TACC2: variants seen among roughly 807,000 people sequenced by gnomAD.
TACC2 encodes the protein transforming acidic coiled-coil containing protein 2.
TACC2 carries 137 observed loss-of-function variants against 227.3 expected under a neutral mutation model. The observed-to-expected ratio is 0.60, with a 90% CI of 0.52 to 0.69. The LOEUF (loss-of-function observed/expected upper bound fraction) is 0.69. Among genes scored for constraint, TACC2 ranks in the 30% least tolerant of loss-of-function variants. The pLI is 0.00. For missense variants in TACC2, 3,470 were observed against 3,694.4 expected, an observed-to-expected ratio of 0.94 and a Z score of 1.57; for synonymous variants, 1,523 against 1,487.5, an observed-to-expected ratio of 1.02 and a Z score of -0.55.
At chr10:122,093,320 C>T (rs114089249) in intron 5 of TACC2, among the ~76,000 whole-genome samples, 3,027 of 152,210 alleles carry the variant, frequency 0.02, 84 homozygotes, top group African/African-American at 0.063. Flanking sequence ...TCACTGGAGC[C>T]GCTTCTCTCT....
In TACC2 at chr10:122,248,785, C is replaced by T. The variant is rs1170065040; in HGVS notation, c.8535C>T (p.Val2845=). The T allele has an allele frequency of 6.2e-6, 10 of 1,614,040 alleles. No individual in the cohort carries two copies. The highest frequency in any genetic ancestry group is 8.5e-6 in the Non-Finnish European group (10 of 1,180,026). Residue 2845 remains valine, a synonymous_variant, in exon 20 of 23, where the codon GTC becomes GTT. Transcript: ENST00000369005. ...LFRRYEKMKE[V]LEGFRKNEEV... Reference sequence around the variant, plus strand: ...GAAGATATGAGAAGATGAAGGAGGTCCTAGAAGGCTTCCGCAAGGTAGGGC... The same window carrying T: ...GAAGATATGAGAAGATGAAGGAGGTTCTAGAAGGCTTCCGCAAGGTAGGGC...
At chr10:121,997,570 A>G (rs10887036) in intron 1 of TACC2, among the ~76,000 whole-genome samples, 23,222 of 152,042 alleles carry the variant, frequency 0.15, 2,165 homozygotes, top group Admixed American at 0.24. Flanking sequence ...GGGAGATGGG[A>G]CATGTTGGGA....
intron 2 of TACC2, among the ~76,000 whole-genome samples, chr10:122,046,554 GC>G (rs1429886396): frequency 6.6e-6 from 1 of 152,052 alleles, no homozygotes; most frequent in Non-Finnish European, 1.5e-5. Context: ...AGAGACGCCT[GC>G]CTTTTGTTTT....
intron 2 of TACC2, among the ~76,000 whole-genome samples, chr10:122,025,458 T>G (rs1291507384): frequency 6.6e-6 from 1 of 152,088 alleles, no homozygotes; most frequent in Non-Finnish European, 1.5e-5. Flanking sequence ...AGACGAGGTT[T>G]CACTATGTTG....
intron 5 of TACC2, among the ~76,000 whole-genome samples, chr10:122,129,625 T>G (rs2087646817): frequency 1.3e-5 from 2 of 152,200 alleles, no homozygotes; most frequent in South Asian, 4.1e-4. Flanking sequence ...TCCACTCAGA[T>G]TTTATGATTT....
chr10:122,136,210 G>A lies in TACC2; in HGVS notation c.5699+3476G>A, dbSNP rs115891618. Among the ~76,000 whole-genome samples, 1,033 of 152,260 alleles carry A rather than the reference G, an allele frequency of 6.8e-3. 10 individuals carry two copies. The highest frequency in any genetic ancestry group is 0.023 in the African/African-American group (967 of 41,540). On this transcript the variant is annotated intron_variant, in intron 6 of 22. Transcript: ENST00000369005. ...TGTCTCCTAATTCAGGGTTCATGGC[G>A]ACTTGGTAGAACATTCCTGTGAATA...
At chr10:122,235,168 C>T (rs368234500) in intron 16 of TACC2, among the ~76,000 whole-genome samples, 4 of 152,332 alleles carry the variant, frequency 2.6e-5, no homozygotes, top group East Asian at 1.9e-4. Context: ...CTCACTGCAA[C>T]CTTTGCCTCC....
chr10:122,066,418 A>C (rs1249627730), intron 3 of TACC2, among the ~76,000 whole-genome samples: 1 of 151,952 alleles, frequency 6.6e-6, no homozygotes, highest in Non-Finnish European at 1.5e-5. Flanking sequence ...ACAGGTGTGC[A>C]CCACCACACC....
At position 122,249,085 on chromosome 10, in the gene TACC2, C is replaced by T; in HGVS notation, c.8589C>T (p.Tyr2863=). 1 of 1,613,380 alleles carries T rather than the reference C, an allele frequency of 6.2e-7. No homozygotes were observed. The highest frequency in any genetic ancestry group is 8.5e-7 in the Non-Finnish European group (1 of 1,179,934). ...TGTTGAAGAGATGTGCGCAGGAGTA[C>T]CTGTCCCGGGTGAAGAAGGAGGAGC... ...EEVLKRCAQE[Y]LSRVKKEEQR... The change falls in exon 21 of 23, where the codon TAC becomes TAT. Residue 2863 remains tyrosine (Y), a synonymous_variant. Coordinates refer to ENST00000369005, the MANE Select transcript of TACC2 (RefSeq NM_206862.4).
At chr10:122,099,084 C>T (rs1376398492) in intron 5 of TACC2, among the ~76,000 whole-genome samples, 5 of 152,192 alleles carry the variant, frequency 3.3e-5, no homozygotes, top group African/African-American at 1.2e-4. Context: ...ATGGGACAAA[C>T]CGCCTCGACA....
intron 5 of TACC2, among the ~76,000 whole-genome samples, chr10:122,124,873 C>T (rs1376784655): frequency 6.6e-6 from 1 of 152,064 alleles, no homozygotes; most frequent in African/African-American, 2.4e-5. Flanking sequence ...ACCTATATAT[C>T]CATCATTGCT....
At chr10:122,237,262 C>T (rs757106066) in intron 16 of TACC2, 133 bp from the exon 17 acceptor site, 13 of 874,574 alleles carry the variant, frequency 1.5e-5, no homozygotes, top group Non-Finnish European at 2.0e-5. Flanking sequence ...TCAGTCTTTG[C>T]ACTTTCTCAT....
chr10:122,164,970 C>G (rs1378221742), intron 7 of TACC2, among the ~76,000 whole-genome samples: 1 of 152,010 alleles, frequency 6.6e-6, no homozygotes, highest in Non-Finnish European at 1.5e-5. Context: ...CTCACTGGTC[C>G]CTCGACCCCT....
chr10:122,192,337 A>C, intron 7 of TACC2: 1 of 242,854 alleles, frequency 4.1e-6, no homozygotes, highest in Non-Finnish European at 8.3e-6. Context: ...TGCAGCGGAG[A>C]ACTCATTGGA....
At chr10:122,185,021 CT>C (rs34148046) in intron 7 of TACC2, among the ~76,000 whole-genome samples, 3,058 of 95,326 alleles carry the variant, frequency 0.032, 37 homozygotes, top group African/African-American at 0.043. Context: ...GTCACTTATT[CT>C]TTTTTTTTTT....
chr10:121,999,462 T>C (rs1953998089), intron 1 of TACC2, among the ~76,000 whole-genome samples: 1 of 152,244 alleles, frequency 6.6e-6, no homozygotes, highest in South Asian at 2.1e-4. Context: ...AGCAAACAGA[T>C]GAGACAAGCA....
At chr10:122,197,134 G>A (rs192230639) in intron 8 of TACC2, among the ~76,000 whole-genome samples, 78 of 149,636 alleles carry the variant, frequency 5.2e-4, no homozygotes, top group African/African-American at 1.5e-3. Context: ...GGTGCCGCAC[G>A]CCTGTAGTCC....
intron 3 of TACC2, among the ~76,000 whole-genome samples, chr10:122,066,006 T>A (rs1339788484): frequency 2.0e-5 from 3 of 152,208 alleles, no homozygotes; most frequent in Non-Finnish European, 4.4e-5. Context: ...TGTTTTACAT[T>A]TAGCCTATTT....
chr10:122,228,314 A>C (rs555773153), intron 14 of TACC2, among the ~76,000 whole-genome samples: 4 of 152,228 alleles, frequency 2.6e-5, no homozygotes, highest in Non-Finnish European at 5.9e-5. Flanking sequence ...GTCGTTAAGC[A>C]GTCCTCTGCC....
Sources: gnomAD v4.1 joint callset for allele counts (sites outside exome capture counted in the v4.1 genomes callset) on GRCh38, gnomAD v4.1.1 for gene constraint, MANE v1.5 for transcripts, NCBI Gene and HGNC (gene_info 2026-07-23, HGNC 2026-07-21) for gene names.